The following SPIRE1 variants were observed in gnomAD, a reference collection of about 807,000 sequenced individuals.
The protein encoded by SPIRE1 is spire type actin nucleation factor 1, also known as protein spire homolog 1.
Under a neutral mutation model 94.1 loss-of-function variants are expected in SPIRE1, and 40 were observed. The observed-to-expected ratio is 0.43, with a 90% confidence interval of 0.33 to 0.55. The LOEUF (loss-of-function observed/expected upper bound fraction) is 0.55, where lower values mean the gene tolerates loss of function less well. SPIRE1 is among the 20% of genes least tolerant of loss of function. The pLI is 0.06. For missense variants in SPIRE1, 838 were observed against 975.2 expected, an observed-to-expected ratio of 0.86 and a Z score of 1.87; for synonymous variants, 376 against 371.7, an observed-to-expected ratio of 1.01 and a Z score of -0.13.
intron 1 of SPIRE1, among the ~76,000 whole-genome samples, chr18:12,652,447 A>T (rs1297353750): frequency 6.6e-6 from 1 of 152,026 alleles, no homozygotes; most frequent in Non-Finnish European, 1.5e-5. Flanking sequence ...AAGAATCATA[A>T]ACTCTCTTGA....
At chr18:12,539,084 A>G (rs1312020465) in intron 3 of SPIRE1, among the ~76,000 whole-genome samples, 1 of 152,196 alleles carries the variant, frequency 6.6e-6, no homozygotes, top group East Asian at 1.9e-4. Context: ...AAAAGCATCC[A>G]ATCATTCATT....
intron 5 of SPIRE1, 46 bp from the exon 6 acceptor site, chr18:12,506,687 G>A (rs1429829354): frequency 1.3e-6 from 2 of 1,564,024 alleles, no homozygotes; most frequent in East Asian, 2.3e-5. Context: ...AAATGTACTA[G>A]TTTCTTCTAA....
intron 6 of SPIRE1, among the ~76,000 whole-genome samples, chr18:12,505,560 AAAAAAAAC>A (rs2033803179): frequency 6.6e-6 from 1 of 151,134 alleles, no homozygotes; most frequent in African/African-American, 2.4e-5. Flanking sequence ...CTCAAAAAAA[AAAAAAAAC>A]AAAAAAACTC....
chr18:12,537,487 A>C (rs2034875791), intron 3 of SPIRE1, among the ~76,000 whole-genome samples: 1 of 152,222 alleles, frequency 6.6e-6, no homozygotes, highest in African/African-American at 2.4e-5. Context: ...TCACAAAACA[A>C]AACTTGCACA....
At chr18:12,503,236 C>T (rs1470921409) in intron 6 of SPIRE1, among the ~76,000 whole-genome samples, 4 of 152,110 alleles carry the variant, frequency 2.6e-5, no homozygotes, top group African/African-American at 7.2e-5. Flanking sequence ...ACTGCCTCAC[C>T]TACTACCATA....
At chr18:12,454,505 G>A in intron 12 of SPIRE1, 22 bp from the exon 13 acceptor site, 1 of 1,613,528 alleles carries the variant, frequency 6.2e-7, no homozygotes, top group Admixed American at 1.7e-5. Flanking sequence ...AATGTCACGT[G>A]AATAAGAGAT....
intron 2 of SPIRE1, among the ~76,000 whole-genome samples, chr18:12,549,449 T>TTTTG (rs2035279461): frequency 1.0e-5 from 1 of 95,262 alleles, no homozygotes; most frequent in Non-Finnish European, 2.5e-5. Context: ...GTTTTTTTTT[T>TTTTG]TTTTTTTTTT....
At chr18:12,469,920 A>G (rs893490902) in intron 10 of SPIRE1, among the ~76,000 whole-genome samples, 5 of 151,542 alleles carry the variant, frequency 3.3e-5, no homozygotes, top group African/African-American at 1.2e-4. Flanking sequence ...AAACCACATA[A>G]CATATTAATT....
intron 2 of SPIRE1, among the ~76,000 whole-genome samples, chr18:12,587,996 C>T (rs2036433953): frequency 6.6e-6 from 1 of 152,272 alleles, no homozygotes; most frequent in African/African-American, 2.4e-5. Context: ...TCCAACCCTA[C>T]TCCCTCCCCT....
In SPIRE1 at chr18:12,479,744, G is replaced by C. The variant is rs2032769083; in HGVS notation, c.1359C>G (p.Leu453=). ...SQQVPAQRKK[L]LRAPTLAELD... ...GTTCGGCCAGAGTTGGGGCTCTGAG[G>C]AGCTTCTTCCGCTGTGCAGGCACCT... The change falls in exon 10 of 17, where the codon CTC becomes CTG. Residue 453 remains leucine (L), a synonymous_variant. Coordinates refer to ENST00000409402, the MANE Select transcript of SPIRE1 (RefSeq NM_001128626.2). The C allele has an allele frequency of 6.2e-7, 1 of 1,613,826 alleles. No individual in the cohort carries two copies. Among genetic ancestry groups the C allele is most frequent in the South Asian group, 1.1e-5 (1 of 91,064 alleles).
chr18:12,495,995 G>A, intron 7 of SPIRE1, 21 bp downstream of exon 7: 3 of 1,537,324 alleles, frequency 2.0e-6, no homozygotes, highest in Non-Finnish European at 2.7e-6. Context: ...CCAATCTAGA[G>A]AACTATGTCG....
At chr18:12,592,605 T>C (rs567633357) in intron 2 of SPIRE1, among the ~76,000 whole-genome samples, 14 of 152,350 alleles carry the variant, frequency 9.2e-5, no homozygotes, top group Admixed American at 7.8e-4. Context: ...GTGTCACTAC[T>C]GGCTTTTCAG....
At chr18:12,459,410 TG>T (rs1370554905) in intron 12 of SPIRE1, among the ~76,000 whole-genome samples, 1 of 152,054 alleles carries the variant, frequency 6.6e-6, no homozygotes, top group African/African-American at 2.4e-5. Flanking sequence ...CTTCTGATGG[TG>T]GGGGGAGGCC....
chr18:12,645,391 T>C (rs2038196865), intron 1 of SPIRE1, among the ~76,000 whole-genome samples: 1 of 152,170 alleles, frequency 6.6e-6, no homozygotes, highest in Admixed American at 6.5e-5. Context: ...CTTCCCACCC[T>C]AACCTGCCCC....
chr18:12,498,383 G>A (rs2033537000), intron 6 of SPIRE1, among the ~76,000 whole-genome samples: 1 of 152,140 alleles, frequency 6.6e-6, no homozygotes, highest in East Asian at 1.9e-4. Flanking sequence ...TTATTTTTGA[G>A]CAACAATGCC....
chr18:12,577,469 G>A (rs1011227697), intron 2 of SPIRE1, among the ~76,000 whole-genome samples: 2 of 152,078 alleles, frequency 1.3e-5, no homozygotes, highest in Non-Finnish European at 2.9e-5. Context: ...ATTTTTAAAT[G>A]TATCATATAT....
Position 12,657,671 on chromosome 18 carries a change from A to C in SPIRE1, c.196T>G (p.Cys66Gly). Residue 66 changes from cysteine to glycine, a missense_variant, in exon 1 of 17, where the codon TGC (cysteine) becomes GGC (glycine). This residue lies in a region of SPIRE1 where 193 missense variants were observed against 170.5 expected (regional missense o/e 1.13). Coordinates refer to ENST00000409402, the MANE Select transcript of SPIRE1 (RefSeq NM_001128626.2). ...CGGGCGGCGGCGCGCAGGGAACCGC[A>C]GCACTGGTAGCACACGGCCCACGCC... is the stretch of plus-strand genomic sequence containing the variant. ...EQAWAVCYQC[C>G]GSLRAAARRR... The C allele has an allele frequency of 1.5e-6, 2 of 1,354,662 alleles. No homozygotes were observed. The highest frequency in any genetic ancestry group is 1.8e-5 in the South Asian group (1 of 55,242). 83.9% of individuals were successfully genotyped at this position (1,354,662 alleles called of 1,614,324 possible). A position where few individuals can be genotyped will look rare whatever the true frequency, so the allele number is the denominator to read the frequency against.
intron 2 of SPIRE1, among the ~76,000 whole-genome samples, chr18:12,600,729 C>CT (rs1024442775): frequency 7.3e-5 from 11 of 151,356 alleles, no homozygotes; most frequent in Non-Finnish European, 1.2e-4. Context: ...TATCATTATT[C>CT]TTTTTTTTTC....
At chr18:12,627,393 A>C (rs948098482) in intron 2 of SPIRE1, among the ~76,000 whole-genome samples, 1 of 152,098 alleles carries the variant, frequency 6.6e-6, no homozygotes, top group African/African-American at 2.4e-5. Context: ...ACATGAACTC[A>C]TCCTTTTTTA....
Sources: gnomAD v4.1 joint callset for allele counts (sites outside exome capture counted in the v4.1 genomes callset) on GRCh38, gnomAD v4.1.1 for gene constraint, gnomAD v4.1.1 regional missense constraint, MANE v1.5 for transcripts, NCBI Gene and HGNC (gene_info 2026-07-23, HGNC 2026-07-21) for gene names.